The following TNIK variants were observed in gnomAD, a reference collection of about 807,000 sequenced individuals.
TNIK encodes TRAF2 and NCK-interacting protein kinase.
Under a neutral mutation model 191.3 loss-of-function variants are expected in TNIK, and 49 were observed. The ratio of observed to expected loss-of-function variants is 0.26; its 90% CI spans 0.20 to 0.32. The LOEUF (loss-of-function observed/expected upper bound fraction) is 0.32. Ranked by LOEUF, TNIK falls within the 10% of genes least tolerant of loss-of-function variation. TNIK has a pLI of 1.00. For synonymous variants in TNIK, 594 were observed against 600.9 expected (o/e 0.99, Z 0.17); for missense variants, 1,155 against 1,702.3 (o/e 0.68, Z 5.66).
At chr3:171,265,715 A>G (rs1748300380) in intron 2 of TNIK, among the ~76,000 whole-genome samples, 1 of 152,254 alleles carries the variant, frequency 6.6e-6, no homozygotes, top group East Asian at 1.9e-4. Context: ...GGGATGTGAT[A>G]AGCCAATATT....
intron 1 of TNIK, among the ~76,000 whole-genome samples, chr3:171,401,480 G>A (rs1720948314): frequency 6.6e-6 from 1 of 152,242 alleles, no homozygotes; most frequent in Admixed American, 6.5e-5. Flanking sequence ...CTTCATAGGT[G>A]TAAGAGCAGG....
intron 1 of TNIK, among the ~76,000 whole-genome samples, chr3:171,444,243 G>C (rs1727195981): frequency 6.6e-6 from 1 of 152,208 alleles, no homozygotes. Context: ...GGCTAGGTAA[G>C]AGATGCTTAC....
chr3:171,077,081 CT>C (rs397708757), intron 28 of TNIK, among the ~76,000 whole-genome samples: 147 of 141,870 alleles, frequency 1.0e-3, no homozygotes, highest in African/African-American at 3.1e-3. Flanking sequence ...TCCCCCCCCC[CT>C]TTTTTTTTAT....
At chr3:171,344,200 G>T (rs115005220) in intron 2 of TNIK, among the ~76,000 whole-genome samples, 1 of 151,974 alleles carries the variant, frequency 6.6e-6, no homozygotes, top group Non-Finnish European at 1.5e-5. Flanking sequence ...TTCATTTTAC[G>T]TTCACATTTC....
Position 171,129,626 on chromosome 3 carries a change from C to A in TNIK, c.1609-748G>T, listed in dbSNP as rs529982450. ...CTTGCTTCTCCTCCTTTCTCTTCCC[C>A]TCTAACCCTGTCTTCTCTCAGGCTG... On this transcript the variant is annotated intron_variant, in intron 15 of 32. Transcript: ENST00000436636. Among the ~76,000 whole-genome samples the A allele has an allele frequency of 5.3e-5, 8 of 152,280 alleles. No homozygotes were observed. In the South Asian group the frequency reaches 1.7e-3, roughly 32 times the overall value.
chr3:171,339,158 C>T (rs1464897141), intron 2 of TNIK, among the ~76,000 whole-genome samples: 1 of 152,200 alleles, frequency 6.6e-6, no homozygotes, highest in Admixed American at 6.5e-5. Context: ...CTCCCATCTC[C>T]TACAACCAGG....
chr3:171,208,316 G>A (rs1264447564), intron 4 of TNIK, among the ~76,000 whole-genome samples: 1 of 151,676 alleles, frequency 6.6e-6, no homozygotes, highest in Non-Finnish European at 1.5e-5. Flanking sequence ...GCAAGACCCT[G>A]TCTCTAAAAA....
chr3:171,117,109 GA>G (rs1726841846), intron 18 of TNIK, among the ~76,000 whole-genome samples: 1 of 152,200 alleles, frequency 6.6e-6, no homozygotes, highest in East Asian at 1.9e-4. Flanking sequence ...TGGGTCTCAT[GA>G]GACAACAACT....
chr3:171,238,910 A>G (rs1338805787), intron 2 of TNIK, among the ~76,000 whole-genome samples: 4 of 152,228 alleles, frequency 2.6e-5, no homozygotes, highest in Admixed American at 2.0e-4. Flanking sequence ...GAACACAGGC[A>G]ATACTATACC....
At chr3:171,373,710 T>C (rs1470347837) in intron 1 of TNIK, among the ~76,000 whole-genome samples, 1 of 152,216 alleles carries the variant, frequency 6.6e-6, no homozygotes, top group Non-Finnish European at 1.5e-5. Flanking sequence ...TTCTGTACTA[T>C]AACCAACACA....
chr3:171,112,611 A>G (rs1726015437), intron 18 of TNIK, among the ~76,000 whole-genome samples: 1 of 152,160 alleles, frequency 6.6e-6, no homozygotes, highest in Non-Finnish European at 1.5e-5. Flanking sequence ...CATCAAACTC[A>G]CAGAAACAAT....
chr3:171,358,474 TG>T lies in TNIK; in HGVS notation c.123+11145del, dbSNP rs375854422. Among the ~76,000 whole-genome samples the T allele has an allele frequency of 1.1e-3, 174 of 152,152 alleles. 5 individuals are homozygous for T. The South Asian group carries it at 0.035, about 30-fold the overall frequency. On this transcript the variant is annotated intron_variant, in intron 2 of 32. Coordinates refer to ENST00000436636, the MANE Select transcript of TNIK (RefSeq NM_015028.4). ...TACACGAGAACAGTATGAGGGAAAC[TG>T]CCCCCAGGATTCAATCATCTACACC...
chr3:171,193,280 C>T (rs1287811493), intron 5 of TNIK, among the ~76,000 whole-genome samples: 1 of 152,142 alleles, frequency 6.6e-6, no homozygotes, highest in Non-Finnish European at 1.5e-5. Context: ...TCAAGATTGC[C>T]TTGGTTATTC....
chr3:171,161,987 A>G (rs1734056065), intron 10 of TNIK, among the ~76,000 whole-genome samples: 1 of 152,150 alleles, frequency 6.6e-6, no homozygotes, highest in Non-Finnish European at 1.5e-5. Flanking sequence ...CCCATATCAA[A>G]CCCATTGGCC....
chr3:171,232,931 A>G (rs976818552), intron 2 of TNIK, among the ~76,000 whole-genome samples: 1 of 152,256 alleles, frequency 6.6e-6, no homozygotes, highest in Admixed American at 6.5e-5. Context: ...ACAGCCACAT[A>G]AGCTTCACTT....
intron 2 of TNIK, among the ~76,000 whole-genome samples, chr3:171,324,783 G>C (rs570141998): frequency 6.6e-6 from 1 of 152,226 alleles, no homozygotes; most frequent in Non-Finnish European, 1.5e-5. Flanking sequence ...GTAGTCGTCA[G>C]AAAGAGACCA....
Position 171,369,681 on chromosome 3 carries a change from G to A in TNIK, c.62C>T (p.Pro21Leu), listed in dbSNP as rs761601192. The change falls in exon 2 of 33, where the codon CCC becomes CTC. Residue 21 changes from proline to leucine, a missense_variant. Physicochemically the swap from Pro to Leu is moderately conservative, Grantham distance 98. Coordinates refer to ENST00000436636, the MANE Select transcript of TNIK (RefSeq NM_015028.4). ...DEIDLSALRDPAGIFELVELV... is the reference protein window; with the variant it reads ...DEIDLSALRDLAGIFELVELV... ...TTCCACCAATTCAAAGATCCCTGCG[G>A]GGTCCTGAAAGAAAATAAACAAACA... 1 of 1,561,966 alleles carries A rather than the reference G, an allele frequency of 6.4e-7. No individual in the cohort carries two copies. The highest frequency in any genetic ancestry group is 1.2e-5 in the South Asian group (1 of 84,620).
chr3:171,293,195 C>T (rs1751882219), intron 2 of TNIK, among the ~76,000 whole-genome samples: 1 of 152,032 alleles, frequency 6.6e-6, no homozygotes, highest in Non-Finnish European at 1.5e-5. Context: ...TCCTGATTAA[C>T]AAAAAAATCT....
chr3:171,167,855 A>G (rs1347932532), intron 9 of TNIK, among the ~76,000 whole-genome samples: 1 of 152,210 alleles, frequency 6.6e-6, no homozygotes, highest in Non-Finnish European at 1.5e-5. Context: ...GTGAACTTTG[A>G]TTAGGCAAAC....
Sources: gnomAD v4.1 joint callset for allele counts (sites outside exome capture counted in the v4.1 genomes callset) on GRCh38, gnomAD v4.1.1 for gene constraint, MANE v1.5 for transcripts, NCBI Gene and HGNC (gene_info 2026-07-23, HGNC 2026-07-21) for gene names.